Variants in IGF2R observed in about 807,000 individuals in gnomAD.
The protein encoded by IGF2R is insulin like growth factor 2 receptor, also known as cation-independent mannose-6-phosphate receptor.
Under a neutral mutation model 270.6 loss-of-function variants are expected in IGF2R, and 91 were observed. That is an observed-to-expected ratio of 0.34 (90% CI 0.28 to 0.40). IGF2R has a LOEUF of 0.40. Among genes scored for constraint, IGF2R ranks in the 10% least tolerant of loss-of-function variants. The pLI is 1.00. For synonymous variants in IGF2R, 1,316 were observed against 1,258.9 expected (o/e 1.05, Z -0.96); for missense variants, 2,805 against 3,188.3 (o/e 0.88, Z 2.90).
At chr6:159,980,236 A>AAAGGAAGAAAGGAAGAAAGG (rs1491249507) in intron 1 of IGF2R, among the ~76,000 whole-genome samples, 1 of 136,080 alleles carries the variant, frequency 7.3e-6, no homozygotes, top group Admixed American at 7.4e-5. Context: ...AGAAAGAAAG[A>AAAGGAAGAAAGGAAGAAAGG]AAGGTACATG....
intron 1 of IGF2R, among the ~76,000 whole-genome samples, chr6:159,981,599 G>C (rs983112990): frequency 1.3e-5 from 2 of 152,228 alleles, no homozygotes; most frequent in African/African-American, 4.8e-5. Flanking sequence ...CTGTGTTCCT[G>C]GTGGTGGTTT....
In IGF2R at chr6:160,084,750, G is replaced by A. The variant is rs541600302; in HGVS notation, c.6069-245G>A. Among the ~76,000 whole-genome samples the A allele has an allele frequency of 6.6e-6, 1 of 152,258 alleles. No homozygotes were observed. The highest frequency in any genetic ancestry group is 2.1e-4 in the South Asian group (1 of 4,826). On this transcript the variant is annotated intron_variant, in intron 40 of 47. Transcript: ENST00000356956. This position sits in a 1 kb window ranked among gnomAD's most constrained non-coding sequence, Gnocchi z 4.6. ...TTCTACTGTACCACGCTGTGTCCAG[G>A]GTGGCCGCAGGTGTGGACATTCCAC...
At chr6:160,098,482 AT>A (rs924064868) in intron 45 of IGF2R, among the ~76,000 whole-genome samples, 321 of 151,770 alleles carry the variant, frequency 2.1e-3, no homozygotes, top group African/African-American at 6.6e-3. Context: ...AGTGCCTGAG[AT>A]TTTTTTTTCC....
intron 17 of IGF2R, 62 bp downstream of exon 17, chr6:160,047,969 C>A: frequency 9.2e-7 from 1 of 1,087,558 alleles, no homozygotes; most frequent in Non-Finnish European, 1.4e-6. Context: ...GCAAGTGTTG[C>A]TGGTGAGCGT....
At chr6:160,104,319 C>T (rs991327249) in intron 47 of IGF2R, among the ~76,000 whole-genome samples, 3 of 151,948 alleles carry the variant, frequency 2.0e-5, no homozygotes, top group East Asian at 1.9e-4. Context: ...ATGAGTAGCC[C>T]GGAAGAGCCC....
intron 2 of IGF2R, among the ~76,000 whole-genome samples, chr6:159,992,074 A>G (rs1331681111): frequency 6.6e-6 from 1 of 152,236 alleles, no homozygotes; most frequent in Non-Finnish European, 1.5e-5. Flanking sequence ...TAAGGCAGTT[A>G]GAATAATGAG....
intron 3 of IGF2R, 63 bp from the exon 4 acceptor site, chr6:160,010,624 T>G: frequency 9.5e-7 from 1 of 1,053,172 alleles, no homozygotes; most frequent in Non-Finnish European, 1.5e-6. Context: ...CATTCTCATT[T>G]TAAAGAAGAA....
At chr6:160,087,916 TC>T in intron 41 of IGF2R, 116 bp from the exon 42 acceptor site, 1 of 668,492 alleles carries the variant, frequency 1.5e-6, no homozygotes, top group East Asian at 2.8e-5. Context: ...CCTCAAGTGA[TC>T]TGCCCTCTTT....
intron 1 of IGF2R, among the ~76,000 whole-genome samples, chr6:159,980,901 T>C (rs1255165991): frequency 6.6e-6 from 1 of 152,204 alleles, no homozygotes; most frequent in African/African-American, 2.4e-5. Context: ...TCTTTATACA[T>C]GAGGAGCAAA....
At chr6:160,069,058 T>C (rs1562366009) in intron 30 of IGF2R, among the ~76,000 whole-genome samples, 2 of 152,026 alleles carry the variant, frequency 1.3e-5, no homozygotes, top group South Asian at 4.2e-4. Context: ...GGGTGTGACG[T>C]GGAGGTCTTG....
rs1474386078 is a variant in IGF2R, at chr6:159,969,366, C to T, written c.120C>T (p.Ala40=). The change falls in exon 1 of 48, where the codon GCC becomes GCT. Residue 40 remains alanine, a synonymous_variant. Coordinates refer to ENST00000356956, the MANE Select transcript of IGF2R (RefSeq NM_000876.4). The part of the protein sequence containing the change: ...LLVAAPGSTQ[A]QAAPFPELCS... ...TCGCTGCCCCGGGGTCCACGCAGGCCCAGGCCGCCCCGTTCCCCGAGCTGT... is the reference window on the plus strand; with the variant it reads ...TCGCTGCCCCGGGGTCCACGCAGGCTCAGGCCGCCCCGTTCCCCGAGCTGT... 2 of 1,288,372 alleles carry T rather than the reference C, an allele frequency of 1.6e-6. No homozygotes were observed. The highest frequency in any genetic ancestry group is 2.0e-6 in the Non-Finnish European group (2 of 1,016,880). 79.8% of individuals were successfully genotyped at this position (1,288,372 alleles called of 1,614,324 possible).
At chr6:159,992,538 A>G (rs1005298013) in intron 2 of IGF2R, among the ~76,000 whole-genome samples, 3 of 152,114 alleles carry the variant, frequency 2.0e-5, no homozygotes, top group African/African-American at 7.2e-5. Flanking sequence ...GCTGCAAAAC[A>G]TGTGATTTCA....
chr6:160,055,779 T>A (rs565264509), intron 19 of IGF2R, among the ~76,000 whole-genome samples: 3 of 152,298 alleles, frequency 2.0e-5, no homozygotes, highest in African/African-American at 7.2e-5. Flanking sequence ...CATAGTGCAG[T>A]CCTGGTGTGT....
Position 160,070,187 on chromosome 6 carries a change from C to T in IGF2R, c.4443+129C>T, listed in dbSNP as rs8191873. On this transcript the variant is annotated intron_variant, in intron 31 of 47. Coordinates refer to ENST00000356956, the MANE Select transcript of IGF2R (RefSeq NM_000876.4). ...TAGAGCCTGGGATGATGCGCCCTTA[C>T]CAGAGGTTGGGGGAACAGCGTCGCC... 206 of 896,324 alleles carry T rather than the reference C, an allele frequency of 2.3e-4. No homozygotes were observed. The Middle Eastern group carries it at 3.5e-3, about 15-fold the overall frequency. The allele number at this position is 896,324 out of a possible 1,614,324, so 55.5% of individuals were successfully genotyped here. A position where few individuals can be genotyped will look rare whatever the true frequency, so the allele number is the denominator to read the frequency against.
intron 4 of IGF2R, among the ~76,000 whole-genome samples, chr6:160,019,534 C>T (rs1777382478): frequency 1.3e-5 from 2 of 152,076 alleles, no homozygotes; most frequent in South Asian, 4.1e-4. Context: ...AACTAGAGGC[C>T]AATATCTATG....
At chr6:160,058,163 CAG>C (rs536632253) in intron 21 of IGF2R, 39 bp downstream of exon 21, 370 of 1,377,694 alleles carry the variant, frequency 2.7e-4, no homozygotes, top group Admixed American at 1.0e-3. Context: ...TGCTTTGAAA[CAG>C]GGGGAGAGTG....
intron 23 of IGF2R, 148 bp downstream of exon 23, chr6:160,060,865 T>C (rs1778424403): frequency 2.9e-6 from 2 of 683,094 alleles, no homozygotes; most frequent in African/African-American, 1.8e-5. Context: ...ATTTCTGTTA[T>C]ATATTCTCTT....
intron 1 of IGF2R, among the ~76,000 whole-genome samples, chr6:159,973,669 G>C (rs1057494926): frequency 5.3e-5 from 8 of 152,132 alleles, no homozygotes; most frequent in Non-Finnish European, 1.2e-4. Context: ...GCCTAAGGTT[G>C]TTAATTATGG....
rs1184483781 is a variant in IGF2R at position 160,103,795 on chromosome 6, G to A, written c.7045G>A (p.Val2349Met). 1.3e-5 allele frequency: 21 copies of A among 1,610,690 alleles called. No individual in the cohort carries two copies. The highest frequency in any genetic ancestry group is 5.3e-5 in the African/African-American group (4 of 74,804). Residue 2349 changes from valine to methionine, a missense_variant, in exon 47 of 48, where the codon GTG becomes ATG. Physicochemically the swap from Val to Met is conservative, Grantham distance 21 (BLOSUM62 1). Coordinates refer to ENST00000356956, the MANE Select transcript of IGF2R (RefSeq NM_000876.4). ...LTTCCRRSSNVSYKYSKVNKE... is the reference protein window; with the variant it reads ...LTTCCRRSSNMSYKYSKVNKE... ...CACTTGCTGTAGGAGAAGTTCCAAC[G>A]TGTCCTACAAATACTCAAAGGTAAT...
Sources: allele counts gnomAD v4.1 joint callset (sites outside exome capture counted in the v4.1 genomes callset), GRCh38; gene constraint gnomAD v4.1.1; non-coding constraint Gnocchi (gnomAD v3.1); transcripts MANE v1.5; gene names NCBI Gene and HGNC (gene_info 2026-07-23, HGNC 2026-07-21).